TNR: variants seen among roughly 807,000 people sequenced by gnomAD.
The protein encoded by TNR is tenascin-R.
TNR carries 45 observed loss-of-function variants against 150.4 expected under a neutral mutation model. The observed-to-expected ratio is 0.30, with a 90% CI of 0.24 to 0.38. The LOEUF (loss-of-function observed/expected upper bound fraction) is 0.38. TNR is among the 10% of genes least tolerant of loss of function. TNR has a pLI of 1.00. For missense variants in TNR, 1,544 were observed against 1,759.1 expected (o/e 0.88, Z 2.19); for synonymous variants, 687 against 678.4 (o/e 1.01, Z -0.20).
intron 20 of TNR, among the ~76,000 whole-genome samples, chr1:175,335,041 C>G (rs1383790536): frequency 6.6e-6 from 1 of 152,108 alleles, no homozygotes; most frequent in Non-Finnish European, 1.5e-5. Flanking sequence ...AAATATGGAA[C>G]TTGATAATCT....
At chr1:175,434,788 C>T (rs1655423617) in intron 2 of TNR, among the ~76,000 whole-genome samples, 1 of 152,118 alleles carries the variant, frequency 6.6e-6, no homozygotes, top group Non-Finnish European at 1.5e-5. Flanking sequence ...GAATTTGCTC[C>T]TGTTGCTCCT....
At chr1:175,337,998 T>C (rs1352265163) in intron 18 of TNR, among the ~76,000 whole-genome samples, 1 of 152,212 alleles carries the variant, frequency 6.6e-6, no homozygotes, top group South Asian at 2.1e-4. Context: ...TTCTTATCAG[T>C]AAAATGGGGA....
intron 2 of TNR, among the ~76,000 whole-genome samples, chr1:175,431,596 TTTC>T (rs1355933308): frequency 6.6e-6 from 1 of 152,124 alleles, no homozygotes; most frequent in East Asian, 1.9e-4. Context: ...GTGGGCACCA[TTTC>T]TCCTAGGTGG....
At chr1:175,712,915 G>A (rs1396814091) in intron 1 of TNR, among the ~76,000 whole-genome samples, 1 of 152,076 alleles carries the variant, frequency 6.6e-6, no homozygotes, top group Non-Finnish European at 1.5e-5. Context: ...GCTAGTACAG[G>A]GACCTATTGC....
intron 2 of TNR, among the ~76,000 whole-genome samples, chr1:175,462,204 T>C (rs536450332): frequency 6.6e-6 from 1 of 152,318 alleles, no homozygotes; most frequent in South Asian, 2.1e-4. Context: ...TTGCATGGAT[T>C]CATCAGGTCA....
At chr1:175,600,882 C>T (rs1181092952) in intron 1 of TNR, among the ~76,000 whole-genome samples, 1 of 152,190 alleles carries the variant, frequency 6.6e-6, no homozygotes, top group South Asian at 2.1e-4. Context: ...GAATTTAAGA[C>T]TTACGCTACA....
At chr1:175,564,825 A>T (rs78500496) in intron 1 of TNR, among the ~76,000 whole-genome samples, 8,623 of 151,692 alleles carry the variant, frequency 0.057, 817 homozygotes, top group African/African-American at 0.2. Context: ...CAATTTTCTC[A>T]CCCCTCTGCC....
chr1:175,654,897 T>C (rs928867677), intron 1 of TNR, among the ~76,000 whole-genome samples: 11 of 152,154 alleles, frequency 7.2e-5, no homozygotes, highest in African/African-American at 2.4e-4. Flanking sequence ...TTTGTTTTTG[T>C]ATTTTTAGTA....
chr1:175,467,907 T>C (rs768765058), intron 2 of TNR, among the ~76,000 whole-genome samples: 50 of 152,330 alleles, frequency 3.3e-4, no homozygotes, highest in Non-Finnish European at 5.3e-4. Flanking sequence ...AAAAATAGAT[T>C]CAGCCTACTT....
chr1:175,671,910 C>CGTGTGTGTGT (rs1558065420), intron 1 of TNR, among the ~76,000 whole-genome samples: 40 of 100,940 alleles, frequency 4.0e-4, no homozygotes, highest in African/African-American at 1.7e-3. Flanking sequence ...ATGAGCTGTA[C>CGTGTGTGTGT]CTGTGTGTGT....
intron 2 of TNR, among the ~76,000 whole-genome samples, chr1:175,449,599 G>A (rs529960041): frequency 9.9e-5 from 15 of 152,194 alleles, no homozygotes; most frequent in South Asian, 2.1e-4. Context: ...CTGGAAAGGC[G>A]TTAGTAAAGA....
intron 1 of TNR, among the ~76,000 whole-genome samples, chr1:175,624,985 A>G (rs1277465204): frequency 1.3e-5 from 2 of 152,202 alleles, no homozygotes; most frequent in Non-Finnish European, 2.9e-5. Flanking sequence ...GAGCTGCTAG[A>G]TGAGGAAGCT....
chr1:175,326,526 C>T (rs12753536), intron 21 of TNR, among the ~76,000 whole-genome samples: 7,385 of 152,262 alleles, frequency 0.049, 243 homozygotes, highest in Middle Eastern at 0.19. Flanking sequence ...CCGTCTTCTT[C>T]GTCTTCCCCT....
intron 1 of TNR, among the ~76,000 whole-genome samples, chr1:175,604,924 A>G (rs1663362705): frequency 6.6e-6 from 1 of 152,232 alleles, no homozygotes; most frequent in African/African-American, 2.4e-5. Flanking sequence ...TGGAGTTTAT[A>G]TCCTAGAGGA....
At chr1:175,541,483 T>C (rs1207592114) in intron 1 of TNR, among the ~76,000 whole-genome samples, 1 of 151,976 alleles carries the variant, frequency 6.6e-6, no homozygotes, top group African/African-American at 2.4e-5. Context: ...TCACTAAGAG[T>C]CCTATCCAAA....
intron 1 of TNR, among the ~76,000 whole-genome samples, chr1:175,740,207 C>A (rs1306995323): frequency 6.6e-6 from 1 of 152,150 alleles, no homozygotes; most frequent in Admixed American, 6.5e-5. Context: ...ATACATTCAG[C>A]AATACATTTC....
chr1:175,480,419 A>G (rs4989525), intron 2 of TNR, among the ~76,000 whole-genome samples: 16 of 111,034 alleles, frequency 1.4e-4, no homozygotes, highest in African/African-American at 4.5e-4. Flanking sequence ...AAAGAAAGAA[A>G]AAAGAAAGAA....
chr1:175,606,401 T>G (rs1287737294), intron 1 of TNR, among the ~76,000 whole-genome samples: 1 of 152,222 alleles, frequency 6.6e-6, no homozygotes, highest in Non-Finnish European at 1.5e-5. Context: ...GGCACAGTAT[T>G]CCTTTAAGCT....
intron 1 of TNR, among the ~76,000 whole-genome samples, chr1:175,557,401 G>T (rs1661205913): frequency 6.6e-6 from 1 of 152,130 alleles, no homozygotes; most frequent in African/African-American, 2.4e-5. Flanking sequence ...CAACAATATG[G>T]CTATTCAGTT....
Sources: allele counts gnomAD v4.1 joint callset (sites outside exome capture counted in the v4.1 genomes callset), GRCh38; gene constraint gnomAD v4.1.1; transcripts MANE v1.5; gene names NCBI Gene and HGNC (gene_info 2026-07-23, HGNC 2026-07-21).